The following STK3 variants were observed in gnomAD, a reference collection of about 807,000 sequenced individuals.
The protein encoded by STK3 is serine/threonine-protein kinase 3.
Under a neutral mutation model 58.0 loss-of-function variants are expected in STK3, and 41 were observed. That is an observed-to-expected ratio of 0.71 (90% CI 0.55 to 0.92). The LOEUF is 0.92. Among genes scored for constraint, STK3 ranks in the 40% least tolerant of loss-of-function variants. The probability of loss-of-function intolerance (pLI) is 0.00; values close to 1 mark genes in which losing one functional copy is unlikely to be tolerated. For missense variants in STK3, 479 were observed against 602.7 expected, an observed-to-expected ratio of 0.79 and a Z score of 2.15; for synonymous variants, 170 against 191.0, an observed-to-expected ratio of 0.89 and a Z score of 0.91.
chr8:98,745,136 G>A (rs182399096), intron 4 of STK3, among the ~76,000 whole-genome samples: 35 of 152,264 alleles, frequency 2.3e-4, no homozygotes, highest in Non-Finnish European at 3.4e-4. Flanking sequence ...GTGGTCATGA[G>A]TAGCAACAAA....
chr8:98,404,810 C>A (rs1315306110), intron 3 of STK3, among the ~76,000 whole-genome samples: 1 of 152,066 alleles, frequency 6.6e-6, no homozygotes, highest in Non-Finnish European at 1.5e-5. Context: ...ATGATCGCAC[C>A]ACTGTACTCC....
downstream of STK3, chr8:98,879,711 A>G (rs1185928507): frequency 6.6e-6 from 1 of 152,188 alleles, no homozygotes; most frequent in Non-Finnish European, 1.5e-5. Flanking sequence ...TTGTTTTTCA[A>G]TTCAAATTAA....
At chr8:98,823,939 T>C (rs947373082) in intron 1 of STK3, among the ~76,000 whole-genome samples, 6 of 152,316 alleles carry the variant, frequency 3.9e-5, no homozygotes, top group Admixed American at 2.0e-4. Flanking sequence ...TAATAATCAA[T>C]AGGGGCAAAA....
Position 98,832,734 on chromosome 8 carries a change from T to A in STK3, c.110+50913A>T, listed in dbSNP as rs180835556. Among the ~76,000 whole-genome samples the A allele has an allele frequency of 7.2e-5, 11 of 152,090 alleles. No individual in the cohort carries two copies. The East Asian group carries it at 2.1e-3, about 29-fold the overall frequency. On this transcript the variant is annotated intron_variant, in intron 3 of 12. Transcript: ENST00000523601. ...TTCAGTTGGCTGCGGGGCCTAGGAT[T>A]TAATTTCTATTTCTCACTGCTCTGC...
intron 1 of STK3, among the ~76,000 whole-genome samples, chr8:98,886,659 G>T (rs1167280109): frequency 6.6e-6 from 1 of 152,126 alleles, no homozygotes; most frequent in Non-Finnish European, 1.5e-5. Flanking sequence ...AAAATATTGT[G>T]CCCAGAAAAA....
chr8:98,738,394 A>C (rs759923306), intron 4 of STK3, among the ~76,000 whole-genome samples: 116 of 152,182 alleles, frequency 7.6e-4, no homozygotes, highest in Non-Finnish European at 1.2e-3. Context: ...AATCACTTGA[A>C]TCTGGGAGGC....
intron 10 of STK3, among the ~76,000 whole-genome samples, chr8:98,507,060 T>C (rs1172784556): frequency 6.6e-6 from 1 of 152,238 alleles, no homozygotes; most frequent in Non-Finnish European, 1.5e-5. Context: ...CTCATTTCTT[T>C]GTTACAGCAG....
Position 98,742,382 on chromosome 8 carries a change from C to A in STK3, c.351+6894G>T, listed in dbSNP as rs1306844996. ...GCAGCACATCAAAAAGCTTATCCAC[C>A]ATGACCAAGTGGGATTCATCCCTGG... On this transcript the variant is annotated intron_variant, in intron 4 of 10. Transcript: ENST00000419617. Among the ~76,000 whole-genome samples the A allele has an allele frequency of 3.0e-5, 4 of 132,402 alleles. No homozygotes were observed. In the South Asian group the frequency reaches 9.0e-4, roughly 30 times the overall value. The allele number at this position is 132,402 out of a possible 152,430, so 86.9% of individuals were successfully genotyped here.
intron 2 of STK3, among the ~76,000 whole-genome samples, chr8:98,436,001 G>A (rs1818471992): frequency 6.6e-6 from 1 of 152,044 alleles, no homozygotes. Context: ...CTCTGTGACC[G>A]GCCTCTGTTC....
intron 1 of STK3, among the ~76,000 whole-genome samples, chr8:98,923,651 A>G (rs905278754): frequency 1.1e-4 from 17 of 152,334 alleles, no homozygotes; most frequent in Admixed American, 5.9e-4. Context: ...AGCCCACAGT[A>G]CAAGGGTGAA....
chr8:98,893,055 T>G (rs1838255084), intron 1 of STK3, among the ~76,000 whole-genome samples: 1 of 152,014 alleles, frequency 6.6e-6, no homozygotes, highest in Non-Finnish European at 1.5e-5. Context: ...AAGAACAGGT[T>G]CTATTGGGAT....
chr8:98,805,629 G>A (rs935200894), intron 1 of STK3, among the ~76,000 whole-genome samples: 4 of 152,016 alleles, frequency 2.6e-5, no homozygotes, highest in African/African-American at 9.7e-5. Context: ...AGCAGATAGT[G>A]TGCAGTCACT....
chr8:98,708,244 C>T (rs1370281179), intron 4 of STK3, among the ~76,000 whole-genome samples: 1 of 152,032 alleles, frequency 6.6e-6, no homozygotes, highest in African/African-American at 2.4e-5. Flanking sequence ...TCTTCTAATA[C>T]TGGGAGGGCA....
intron 6 of STK3, among the ~76,000 whole-genome samples, chr8:98,618,549 G>C (rs1817969966): frequency 6.7e-6 from 1 of 149,818 alleles, no homozygotes; most frequent in African/African-American, 2.5e-5. Flanking sequence ...CGACATGATT[G>C]TTTATCTAGA....
rs773516630 is a variant in STK3 at position 98,428,025 on chromosome 8, G to A, written n.483+6102C>T. 1 of 1,603,372 alleles carries A rather than the reference G, an allele frequency of 6.2e-7. No homozygotes were observed. Among genetic ancestry groups the A allele is most frequent in the Non-Finnish European group, 8.5e-7 (1 of 1,174,204 alleles). ...GGACGTGTCGGAGGCTAACGTCGAG[G>A]ACGGGGAGATCCGCATCAATGTGGG... On this transcript the variant is annotated intron_variant and non_coding_transcript_variant, in intron 3 of 3. Transcript: ENST00000517832. This position sits in a 1 kb window ranked among gnomAD's most constrained non-coding sequence, Gnocchi z 6.7.
chr8:98,415,806 T>G (rs1818108791), intron 3 of STK3, among the ~76,000 whole-genome samples: 1 of 152,332 alleles, frequency 6.6e-6, no homozygotes, highest in East Asian at 1.9e-4. Context: ...AGTAATCTAA[T>G]ATAATTAAAA....
chr8:98,541,811 T>C (rs1023258378), intron 9 of STK3, among the ~76,000 whole-genome samples: 3 of 152,178 alleles, frequency 2.0e-5, no homozygotes, highest in Non-Finnish European at 4.4e-5. Flanking sequence ...AGTTTAGCAA[T>C]GCTGTCAAAA....
At chr8:98,783,022 A>AGG (rs1386365023) in intron 1 of STK3, among the ~76,000 whole-genome samples, 1 of 151,516 alleles carries the variant, frequency 6.6e-6, no homozygotes, top group Admixed American at 6.6e-5. Context: ...AAAGAAGGAG[A>AGG]GGGAGAGAGA....
chr8:98,571,785 A>T (rs1046741289), intron 8 of STK3, among the ~76,000 whole-genome samples: 1 of 152,228 alleles, frequency 6.6e-6, no homozygotes, highest in Non-Finnish European at 1.5e-5. Context: ...CAAGCTTAAC[A>T]TCAAAAAGTA....
Sources: gnomAD v4.1 joint callset for allele counts (sites outside exome capture counted in the v4.1 genomes callset) on GRCh38, gnomAD v4.1.1 for gene constraint, Gnocchi (gnomAD v3.1) non-coding constraint, MANE v1.5 for transcripts, NCBI Gene and HGNC (gene_info 2026-07-23, HGNC 2026-07-21) for gene names.